GPHN: variants seen among roughly 807,000 people sequenced by gnomAD.
The protein encoded by GPHN is gephyrin.
A neutral mutation model predicts 95.5 loss-of-function variants in GPHN; 17 were observed. That is an observed-to-expected ratio of 0.18 (90% CI 0.12 to 0.27). The LOEUF (loss-of-function observed/expected upper bound fraction) is 0.27. Among genes scored for constraint, GPHN ranks in the 10% least tolerant of loss-of-function variants. The pLI is 1.00. For synonymous variants in GPHN, 320 were observed against 322.5 expected (o/e 0.99, Z 0.08); for missense variants, 660 against 978.1 (o/e 0.67, Z 4.34).
chr14:67,335,820 C>A, the GPHN span: 4 of 152,372 alleles, frequency 2.6e-5, no homozygotes, highest in African/African-American at 4.8e-5. Context: ...TTAAAAGCCA[C>A]TAAGCAATTT....
At chr14:66,824,102 G>C (rs2061307892) in intron 3 of GPHN, among the ~76,000 whole-genome samples, 1 of 152,070 alleles carries the variant, frequency 6.6e-6, no homozygotes, top group African/African-American at 2.4e-5. Flanking sequence ...GACCCTTCTA[G>C]CTCCAAAATT....
chr14:67,110,915 T>G (rs1030604627), intron 14 of GPHN, among the ~76,000 whole-genome samples: 1 of 152,216 alleles, frequency 6.6e-6, no homozygotes, highest in Non-Finnish European at 1.5e-5. Flanking sequence ...AAGCAAGCCT[T>G]TATCTCACTG....
At chr14:67,243,749 C>G in the GPHN span, among the ~76,000 whole-genome samples, 45 of 150,704 alleles carry the variant, frequency 3.0e-4, no homozygotes, top group Middle Eastern at 3.5e-3. Flanking sequence ...GCCCGCCTCG[C>G]CCTCCCAAAG....
the GPHN span, among the ~76,000 whole-genome samples, chr14:67,295,253 G>A: frequency 1.3e-5 from 2 of 151,832 alleles, no homozygotes; most frequent in African/African-American, 4.8e-5. Context: ...GGGAGGCCAA[G>A]GCGGGTGGAT....
the GPHN span, among the ~76,000 whole-genome samples, chr14:67,212,621 T>C: frequency 4.1e-5 from 6 of 145,306 alleles, 1 homozygote; most frequent in East Asian, 1.2e-3. Context: ...ATATGTAATA[T>C]ATATTATATA....
At chr14:67,024,991 A>G (rs1380455792) in intron 10 of GPHN, among the ~76,000 whole-genome samples, 1 of 152,098 alleles carries the variant, frequency 6.6e-6, no homozygotes, top group Non-Finnish European at 1.5e-5. Context: ...GCAGTGGCTC[A>G]CACCTCAAAA....
intron 3 of GPHN, among the ~76,000 whole-genome samples, chr14:66,795,845 A>T (rs187175527): frequency 6.6e-6 from 1 of 152,292 alleles, no homozygotes; most frequent in East Asian, 1.9e-4. Flanking sequence ...CAATCCAATT[A>T]TACTCTTTTA....
chr14:66,536,411 C>T (rs1267480150), intron 1 of GPHN, among the ~76,000 whole-genome samples: 1 of 152,180 alleles, frequency 6.6e-6, no homozygotes, highest in Non-Finnish European at 1.5e-5. Flanking sequence ...ATAAACGTTA[C>T]TTTGTCATAA....
rs2078475068 is a variant in GPHN at position 67,113,157 on chromosome 14, T to A, written c.1612T>A (p.Ser538Thr). 6.2e-7 allele frequency: 1 copy of A among 1,613,778 alleles called. No homozygotes were observed. Among genetic ancestry groups the A allele is most frequent in the Non-Finnish European group, 8.5e-7 (1 of 1,179,696 alleles). The change falls in exon 16 of 23, where the codon TCA becomes ACA. Residue 538 changes from serine to threonine, a missense_variant. Physicochemically the swap from Ser to Thr is moderately conservative, Grantham distance 58. Coordinates refer to ENST00000478722, the MANE Select transcript of GPHN (RefSeq NM_020806.5). ...TAAGTTTCCAGTGGTTGCAGTCATG[T>A]CAACAGGGAATGAGGTATTAAAAAT... ...VNKFPVVAVM[S>T]TGNELLNPED... is the part of the protein sequence containing the mutation.
intron 2 of GPHN, among the ~76,000 whole-genome samples, chr14:66,729,072 C>G (rs774427207): frequency 3.3e-5 from 5 of 152,072 alleles, no homozygotes; most frequent in African/African-American, 7.2e-5. Flanking sequence ...CAGGAGTTTC[C>G]CTGCACAGGC....
chr14:67,566,846 C>T, the GPHN span, among the ~76,000 whole-genome samples: 173 of 151,728 alleles, frequency 1.1e-3, no homozygotes, highest in Middle Eastern at 3.4e-3. Flanking sequence ...AATGGGGAGA[C>T]GAGGAGTTAT....
intron 4 of GPHN, among the ~76,000 whole-genome samples, chr14:66,839,019 T>C (rs2061971959): frequency 6.6e-6 from 1 of 152,202 alleles, no homozygotes; most frequent in African/African-American, 2.4e-5. Flanking sequence ...TATTTTCTTA[T>C]ATTGAAACTT....
intron 2 of GPHN, among the ~76,000 whole-genome samples, chr14:66,758,891 G>A (rs2058665281): frequency 1.3e-5 from 2 of 152,138 alleles, no homozygotes; most frequent in African/African-American, 4.8e-5. Flanking sequence ...AGTCTAAAAC[G>A]TAGGCAAAAA....
intron 1 of GPHN, among the ~76,000 whole-genome samples, chr14:66,631,866 C>G (rs1468691074): frequency 6.6e-6 from 1 of 152,082 alleles, no homozygotes; most frequent in Admixed American, 6.5e-5. Context: ...GTTTCTAACC[C>G]TAAACAGTTT....
intron 2 of GPHN, among the ~76,000 whole-genome samples, chr14:66,774,155 A>G (rs1595862779): frequency 6.6e-6 from 1 of 151,090 alleles, no homozygotes; most frequent in East Asian, 2.0e-4. Flanking sequence ...GGCGCCCACC[A>G]CCACACCCGG....
the GPHN span, chr14:67,582,106 C>G: frequency 1.2e-6 from 2 of 1,613,038 alleles, no homozygotes; most frequent in East Asian, 4.5e-5. The surrounding 1 kb of genome is among the most constrained non-coding windows in gnomAD (Gnocchi z 5.0). Flanking sequence ...GGAGACGGAC[C>G]GAGAACGGCT....
At chr14:66,915,257 CTCTT>C (rs1596357533) in intron 5 of GPHN, among the ~76,000 whole-genome samples, 1 of 152,068 alleles carries the variant, frequency 6.6e-6, no homozygotes, top group East Asian at 1.9e-4. Flanking sequence ...ATAGCATAAT[CTCTT>C]TGTTTTCAAA....
chr14:67,072,746 A>G (rs1164257765), intron 11 of GPHN, among the ~76,000 whole-genome samples: 4 of 152,032 alleles, frequency 2.6e-5, no homozygotes, highest in Non-Finnish European at 5.9e-5. Context: ...TTCAGTTTCT[A>G]TAAACTCCTC....
At chr14:67,018,736 G>A (rs536312140) in intron 9 of GPHN, among the ~76,000 whole-genome samples, 1 of 152,232 alleles carries the variant, frequency 6.6e-6, no homozygotes, top group South Asian at 2.1e-4. Flanking sequence ...GCTGTCAGTG[G>A]CACCACTGAT....
Sources: gnomAD v4.1 joint callset for allele counts (sites outside exome capture counted in the v4.1 genomes callset) on GRCh38, gnomAD v4.1.1 for gene constraint, Gnocchi (gnomAD v3.1) non-coding constraint, MANE v1.5 for transcripts, NCBI Gene and HGNC (gene_info 2026-07-23, HGNC 2026-07-21) for gene names.